Variants in AFF2 observed in about 807,000 individuals in gnomAD.
The protein encoded by AFF2 is AF4/FMR2 family member 2.
A neutral mutation model predicts 76.9 loss-of-function variants in AFF2; 14 were observed. The ratio of observed to expected loss-of-function variants is 0.18; its 90% CI spans 0.12 to 0.28. The LOEUF (loss-of-function observed/expected upper bound fraction) is 0.28. Among genes scored for constraint, AFF2 ranks in the 10% least tolerant of loss-of-function variants. The probability of loss-of-function intolerance (pLI) is 1.00; values close to 1 mark genes in which losing one functional copy is unlikely to be tolerated. For synonymous variants in AFF2, 398 were observed against 366.7 expected (o/e 1.09, Z -0.98); for missense variants, 868 against 1,001.1 (o/e 0.87, Z 1.79).
At chrX:148,843,504 T>C (rs949360015) in intron 7 of AFF2, 71 bp downstream of exon 7, 34 of 886,553 alleles carry the variant, frequency 3.8e-5, no homozygotes, top group Non-Finnish European at 5.4e-5. Context: ...TCAATGCTGA[T>C]CTAATCTTGT....
At chrX:148,728,699 TG>T (rs782447022) in intron 3 of AFF2, among the ~76,000 whole-genome samples, 14 of 112,674 alleles carry the variant, frequency 1.2e-4, no homozygotes, top group African/African-American at 4.5e-4. Context: ...AAATGCTTTT[TG>T]ACAGTAACTT....
At chrX:148,738,177 G>A (rs2055308012) in intron 3 of AFF2, among the ~76,000 whole-genome samples, 1 of 111,272 alleles carries the variant, frequency 9.0e-6, no homozygotes, top group East Asian at 2.8e-4. Context: ...TTGTGGAATA[G>A]TGTCAAAATG....
At chrX:148,922,164 T>C (rs782754612) in intron 9 of AFF2, among the ~76,000 whole-genome samples, 12 of 111,916 alleles carry the variant, frequency 1.1e-4, no homozygotes, top group Non-Finnish European at 2.3e-4. Context: ...TTTCAGCATA[T>C]TTTAATTTTT....
At chrX:148,808,579 C>T (rs1195769489) in intron 3 of AFF2, among the ~76,000 whole-genome samples, 1 of 111,961 alleles carries the variant, frequency 8.9e-6, no homozygotes, top group Non-Finnish European at 1.9e-5. Flanking sequence ...AAAGGGAATA[C>T]TATCAATAAT....
At chrX:148,614,746 C>CTTTCTTTCTTTCTTTCTTTCCTTCT (rs2053775862) in intron 1 of AFF2, among the ~76,000 whole-genome samples, 4 of 38,495 alleles carry the variant, frequency 1.0e-4, no homozygotes, top group African/African-American at 5.0e-4. Context: ...TCTTTTCTTT[C>CTTTCTTTCTTTCTTTCTTTCCTTCT]TTTCTTTCTT....
chrX:148,965,118 C>A (rs1205005464), intron 13 of AFF2, among the ~76,000 whole-genome samples: 1 of 111,639 alleles, frequency 9.0e-6, no homozygotes, highest in Non-Finnish European at 1.9e-5. Context: ...TCAGGAAGCT[C>A]AAGCTAGCAG....
At chrX:148,799,463 C>T (rs2070028783) in intron 3 of AFF2, among the ~76,000 whole-genome samples, 2 of 111,478 alleles carry the variant, frequency 1.8e-5, no homozygotes, top group African/African-American at 6.5e-5. Context: ...AAATGCAAAC[C>T]GAGTGGACAA....
At chrX:148,866,837 G>T (rs2070913177) in intron 7 of AFF2, among the ~76,000 whole-genome samples, 1 of 112,599 alleles carries the variant, frequency 8.9e-6, no homozygotes, top group African/African-American at 3.2e-5. Flanking sequence ...TAACTTGACA[G>T]ATTTTTGTAT....
chrX:148,860,189 C>T (rs782277939), intron 7 of AFF2, among the ~76,000 whole-genome samples: 2 of 111,648 alleles, frequency 1.8e-5, no homozygotes, highest in Admixed American at 1.9e-4. Flanking sequence ...TATCAAAATG[C>T]CGTATTTCAG....
intron 1 of AFF2, among the ~76,000 whole-genome samples, chrX:148,515,606 A>C (rs1315019574): frequency 8.9e-6 from 1 of 112,120 alleles, no homozygotes; most frequent in Non-Finnish European, 1.9e-5. Flanking sequence ...AGTTGTAAAA[A>C]TCATAAAAGC....
At chrX:148,701,011 AATG>A (rs2054786931) in intron 3 of AFF2, among the ~76,000 whole-genome samples, 6 of 61,160 alleles carry the variant, frequency 9.8e-5, no homozygotes, top group African/African-American at 3.5e-4. Context: ...AGAGAGAGAG[AATG>A]TGTGTGTGTG....
intron 7 of AFF2, among the ~76,000 whole-genome samples, chrX:148,877,990 G>A (rs1212553806): frequency 1.8e-5 from 2 of 111,534 alleles, no homozygotes; most frequent in African/African-American, 6.5e-5. Context: ...AGCCACAGGG[G>A]TTTTTTATAT....
At chrX:148,917,301 T>G (rs782401792) in intron 9 of AFF2, among the ~76,000 whole-genome samples, 1 of 111,884 alleles carries the variant, frequency 8.9e-6, no homozygotes, top group South Asian at 3.8e-4. Flanking sequence ...GGCCTCCCTA[T>G]GAATGGGGGT....
intron 9 of AFF2, among the ~76,000 whole-genome samples, chrX:148,949,958 A>G (rs1008277792): frequency 8.9e-6 from 1 of 112,708 alleles, no homozygotes; most frequent in Admixed American, 9.4e-5. Flanking sequence ...TTTACTCATA[A>G]CCACTTTCAT....
chrX:148,592,003 A>G (rs1327017290), intron 1 of AFF2, among the ~76,000 whole-genome samples: 2 of 111,699 alleles, frequency 1.8e-5, no homozygotes, highest in East Asian at 5.6e-4. Flanking sequence ...TGGCTGATGG[A>G]GCCTTTATGA....
At chrX:148,920,678 G>A in intron 9 of AFF2, among the ~76,000 whole-genome samples, 1 of 109,831 alleles carries the variant, frequency 9.1e-6, no homozygotes, top group East Asian at 2.9e-4. Flanking sequence ...AAATAAGTAT[G>A]GGAAATTCTG....
intron 1 of AFF2, among the ~76,000 whole-genome samples, chrX:148,629,103 G>A (rs1332568767): frequency 9.8e-6 from 1 of 102,050 alleles, no homozygotes; most frequent in African/African-American, 3.7e-5. Context: ...ACAAGAGTTT[G>A]TGTGTGTGTG....
At chrX:148,653,951 A>G (rs782185665) in intron 2 of AFF2, among the ~76,000 whole-genome samples, 3 of 111,573 alleles carry the variant, frequency 2.7e-5, no homozygotes, top group Non-Finnish European at 3.8e-5. Context: ...GCTTGGATAT[A>G]TGGGTCTGAA....
chrX:148,967,760 G>A (rs2072198948), intron 15 of AFF2, 68 bp downstream of exon 15: 1 of 1,073,999 alleles, frequency 9.3e-7, no homozygotes, highest in East Asian at 3.0e-5. Context: ...AACAAAGAAA[G>A]CACTTTTCCA....
Sources: allele counts gnomAD v4.1 joint callset (sites outside exome capture counted in the v4.1 genomes callset), GRCh38; gene constraint gnomAD v4.1.1; transcripts MANE v1.5; gene names NCBI Gene and HGNC (gene_info 2026-07-23, HGNC 2026-07-21).